Variants in NPAS2 observed in about 807,000 individuals in gnomAD.
NPAS2 encodes neuronal PAS domain protein 2.
NPAS2 carries 23 observed loss-of-function variants against 107.5 expected under a neutral mutation model. The ratio of observed to expected loss-of-function variants is 0.21; its 90% CI spans 0.15 to 0.30. The LOEUF is 0.30. Ranked by LOEUF, NPAS2 falls within the 10% of genes least tolerant of loss-of-function variation. The pLI is 1.00. For synonymous variants in NPAS2, 403 were observed against 417.5 expected, an observed-to-expected ratio of 0.97 and a Z score of 0.42; for missense variants, 756 against 1,043.3, an observed-to-expected ratio of 0.72 and a Z score of 3.79.
At chr2:100,911,511 G>A (rs1311998034) in intron 2 of NPAS2, among the ~76,000 whole-genome samples, 3 of 151,756 alleles carry the variant, frequency 2.0e-5, no homozygotes, top group African/African-American at 7.3e-5. Context: ...TGCAACCTCC[G>A]CTTCCCAGGT....
At chr2:100,841,812 A>G (rs2104423691) in intron 1 of NPAS2, among the ~76,000 whole-genome samples, 1 of 152,340 alleles carries the variant, frequency 6.6e-6, no homozygotes, top group South Asian at 2.1e-4. Flanking sequence ...ATACATGTAT[A>G]TACCCACAGA....
At chr2:100,904,521 G>A (rs1682006754) in intron 1 of NPAS2, among the ~76,000 whole-genome samples, 1 of 151,926 alleles carries the variant, frequency 6.6e-6, no homozygotes, top group South Asian at 2.1e-4. Context: ...GAGTGCCTGT[G>A]CATTTAAACA....
intron 2 of NPAS2, among the ~76,000 whole-genome samples, chr2:100,918,837 G>A (rs1347308107): frequency 6.6e-6 from 1 of 152,214 alleles, no homozygotes; most frequent in Non-Finnish European, 1.5e-5. Flanking sequence ...AAACGGTTTG[G>A]TAGTTTCTTA....
rs925412331 is a variant in NPAS2 at position 100,988,026 on chromosome 2, C to G, written c.1630-53C>G. The G allele has an allele frequency of 1.1e-4, 171 of 1,588,110 alleles. 1 individual carries two copies. Among genetic ancestry groups the G allele is most frequent in the Admixed American group, 2.5e-4 (15 of 59,556 alleles). On this transcript the variant is annotated intron_variant, in intron 16 of 20. Transcript: ENST00000335681. ...ACAGGGAATGCAAAGGAGGTGCACA[C>G]TGGTGAGGTACCCATGACCCCAACT... is the stretch of plus-strand genomic sequence containing the variant.
intron 3 of NPAS2, among the ~76,000 whole-genome samples, chr2:100,930,646 A>C (rs558987805): frequency 6.6e-6 from 1 of 152,292 alleles, no homozygotes; most frequent in Admixed American, 6.5e-5. Flanking sequence ...CTATGAAATG[A>C]ACCTTAACTT....
In NPAS2 at chr2:100,910,431, G is replaced by T. The variant is rs954161182; in HGVS notation, c.32+5645G>T. Among the ~76,000 whole-genome samples, 4 of 152,028 alleles carry T rather than the reference G, an allele frequency of 2.6e-5. No homozygotes were observed. The East Asian group carries it at 7.7e-4, about 29-fold the overall frequency. On this transcript the variant is annotated intron_variant, in intron 2 of 20. Transcript: ENST00000335681. ...CCCCCAGACGCTTTGCTAAGTCTCT[G>T]CAATAGTTCCCTAAGTTCTCCATGA...
chr2:100,900,344 C>A (rs1681695731), intron 1 of NPAS2, among the ~76,000 whole-genome samples: 1 of 152,142 alleles, frequency 6.6e-6, no homozygotes, highest in South Asian at 2.1e-4. Context: ...TGCTCTGCAT[C>A]ATTAGTCATC....
At chr2:100,889,617 C>T (rs1340722777) in intron 1 of NPAS2, among the ~76,000 whole-genome samples, 16 of 152,112 alleles carry the variant, frequency 1.1e-4, no homozygotes, top group Non-Finnish European at 1.0e-4. Context: ...TTGGGAGAGG[C>T]ATGTCTAGGG....
intron 1 of NPAS2, among the ~76,000 whole-genome samples, chr2:100,853,831 C>G (rs1678376076): frequency 6.6e-6 from 1 of 152,032 alleles, no homozygotes; most frequent in Admixed American, 6.6e-5. Flanking sequence ...ATCTGAAAAC[C>G]AAGTGGTGAC....
intron 1 of NPAS2, among the ~76,000 whole-genome samples, chr2:100,831,809 G>A (rs1169434149): frequency 9.3e-6 from 1 of 107,044 alleles, no homozygotes; most frequent in Admixed American, 8.2e-5. Context: ...GGGAAGCACG[G>A]GACCCCTGGA....
Position 100,952,734 on chromosome 2 carries a change from C to T in NPAS2, c.598+3254C>T, listed in dbSNP as rs534326126. 6.1e-4 allele frequency among the ~76,000 whole-genome samples: 92 copies of T among 151,812 alleles called. 1 individual carries two copies. Among genetic ancestry groups the T allele is most frequent in the African/African-American group, 2.1e-3 (87 of 41,414 alleles). On this transcript the variant is annotated intron_variant, in intron 7 of 20. Transcript: ENST00000335681. ...TCTTGGAGGATTTCAAGGAAATAGG[C>T]AGGCTTCATTCTGAATACCTGGGAC...
intron 1 of NPAS2, among the ~76,000 whole-genome samples, chr2:100,837,956 C>T (rs1426142807): frequency 1.3e-5 from 2 of 152,266 alleles, no homozygotes; most frequent in African/African-American, 4.8e-5. Flanking sequence ...GGCTGAGGCT[C>T]ATCAGTGGCA....
intron 11 of NPAS2, 106 bp from the exon 12 acceptor site, chr2:100,970,884 C>A: frequency 1.1e-6 from 1 of 893,490 alleles, no homozygotes; most frequent in Non-Finnish European, 1.8e-6. Flanking sequence ...TTGTGGGGGG[C>A]AGGGGTTACG....
intron 5 of NPAS2, among the ~76,000 whole-genome samples, chr2:100,938,608 A>C (rs1277400246): frequency 7.9e-5 from 3 of 38,042 alleles, no homozygotes; most frequent in Admixed American, 4.0e-4. Flanking sequence ...CTCTCTGCAT[A>C]AGCCTTGCTG....
chr2:100,834,481 G>A (rs546016950), intron 1 of NPAS2, among the ~76,000 whole-genome samples: 3 of 152,238 alleles, frequency 2.0e-5, no homozygotes, highest in East Asian at 1.9e-4. Flanking sequence ...TCTTAGGTGC[G>A]GACATCTGAC....
At chr2:100,940,049 C>T (rs929044319) in intron 5 of NPAS2, among the ~76,000 whole-genome samples, 1 of 152,234 alleles carries the variant, frequency 6.6e-6, no homozygotes. Context: ...CTGCAATTTA[C>T]TTTCAGCTTT....
chr2:100,907,387 G>A (rs1682227972), intron 2 of NPAS2, among the ~76,000 whole-genome samples: 1 of 151,792 alleles, frequency 6.6e-6, no homozygotes, highest in Non-Finnish European at 1.5e-5. Context: ...TAGTGAGGCT[G>A]GGGCCCACAC....
intron 1 of NPAS2, among the ~76,000 whole-genome samples, chr2:100,838,137 A>G (rs1207149800): frequency 4.8e-5 from 7 of 147,160 alleles, no homozygotes; most frequent in African/African-American, 1.5e-4. Context: ...GAAAACGACT[A>G]TCTTTCAAGC....
chr2:100,932,263 C>T (rs1419234430), intron 3 of NPAS2, among the ~76,000 whole-genome samples: 1 of 152,162 alleles, frequency 6.6e-6, no homozygotes, highest in East Asian at 1.9e-4. Context: ...CCTTGTAGGC[C>T]AATGACTATT....
Sources: allele counts gnomAD v4.1 joint callset (sites outside exome capture counted in the v4.1 genomes callset), GRCh38; gene constraint gnomAD v4.1.1; transcripts MANE v1.5; gene names NCBI Gene and HGNC (gene_info 2026-07-23, HGNC 2026-07-21).